MAGI3: variants seen among roughly 807,000 people sequenced by gnomAD.
The protein encoded by MAGI3 is membrane associated guanylate kinase, WW and PDZ domain containing 3, also known as membrane-associated guanylate kinase, WW and PDZ domain-containing protein 3.
In MAGI3, 43 loss-of-function variants were observed where a neutral mutation model predicts 121.8. That is an observed-to-expected ratio of 0.35 (90% confidence interval 0.28 to 0.46). MAGI3 has a LOEUF of 0.46. Ranked by LOEUF, MAGI3 falls within the 20% of genes least tolerant of loss-of-function variation. The pLI is 1.00. For missense variants in MAGI3, 1,547 were observed against 1,797.3 expected (o/e 0.86, Z 2.52); for synonymous variants, 553 against 639.3 (o/e 0.86, Z 2.04).
At chr1:113,602,028 C>T (rs1369079290) in intron 6 of MAGI3, among the ~76,000 whole-genome samples, 1 of 151,832 alleles carries the variant, frequency 6.6e-6, no homozygotes, top group African/African-American at 2.4e-5. Context: ...ACAATGAGAA[C>T]ACATGGACAC....
chr1:113,420,499 A>T (rs957837474), intron 1 of MAGI3, among the ~76,000 whole-genome samples: 1 of 152,210 alleles, frequency 6.6e-6, no homozygotes, highest in Non-Finnish European at 1.5e-5. Flanking sequence ...TGGGTTAAAT[A>T]TATTTTCACT....
At chr1:113,563,716 T>C (rs1325027746) in intron 2 of MAGI3, among the ~76,000 whole-genome samples, 1 of 152,228 alleles carries the variant, frequency 6.6e-6, no homozygotes, top group Non-Finnish European at 1.5e-5. Context: ...TATGGGTTTC[T>C]CGCAAGTCCA....
intron 1 of MAGI3, among the ~76,000 whole-genome samples, chr1:113,527,248 C>T (rs1570803090): frequency 6.7e-6 from 1 of 150,306 alleles, no homozygotes; most frequent in South Asian, 2.1e-4. Context: ...GTGGCGGGGG[C>T]GGGCAGGGAG....
chr1:113,533,874 C>A lies in MAGI3; in HGVS notation c.317-15641C>A, dbSNP rs931925708. Among the ~76,000 whole-genome samples the A allele has an allele frequency of 4.2e-5, 6 of 141,804 alleles. No individual in the cohort carries two copies. The East Asian group carries it at 1.2e-3, about 29-fold the overall frequency. The allele number at this position is 141,804 out of a possible 152,430, so 93.0% of individuals were successfully genotyped here. On this transcript the variant is annotated intron_variant, in intron 1 of 20. Coordinates refer to ENST00000307546, the MANE Select transcript of MAGI3 (RefSeq NM_001142782.2). ...ATGATGCTGTTGTTTTTACCTTTTTCTTGGGACACGGTGAATATTAATATT... is the reference window on the plus strand; with the variant it reads ...ATGATGCTGTTGTTTTTACCTTTTTATTGGGACACGGTGAATATTAATATT...
chr1:113,555,636 TC>T (rs748281058), intron 2 of MAGI3, among the ~76,000 whole-genome samples: 1 of 152,118 alleles, frequency 6.6e-6, no homozygotes. Context: ...TATCTAGCCA[TC>T]ATGAAATTAA....
At chr1:113,524,203 G>A (rs937847225) in intron 1 of MAGI3, among the ~76,000 whole-genome samples, 1 of 152,198 alleles carries the variant, frequency 6.6e-6, no homozygotes, top group African/African-American at 2.4e-5. Flanking sequence ...CGGGGATGGG[G>A]CACTCATGGA....
chr1:113,655,412 G>A (rs1178896099), intron 15 of MAGI3, among the ~76,000 whole-genome samples: 1 of 151,938 alleles, frequency 6.6e-6, no homozygotes, highest in African/African-American at 2.4e-5. Flanking sequence ...AAGCTATATA[G>A]AGGAATTCAG....
At chr1:113,523,267 A>T (rs560074384) in intron 1 of MAGI3, among the ~76,000 whole-genome samples, 1 of 152,298 alleles carries the variant, frequency 6.6e-6, no homozygotes, top group South Asian at 2.1e-4. Flanking sequence ...ATCAAAATGG[A>T]CTAATACAGT....
At chr1:113,474,297 G>T (rs1417279263) in intron 1 of MAGI3, among the ~76,000 whole-genome samples, 1 of 152,110 alleles carries the variant, frequency 6.6e-6, no homozygotes, top group African/African-American at 2.4e-5. Flanking sequence ...TTTGGCTTTT[G>T]TTGCCATTGC....
chr1:113,416,168 GTAATTAATGACACATATTAATTA>G (rs202178014), intron 1 of MAGI3, among the ~76,000 whole-genome samples: 434 of 90,490 alleles, frequency 4.8e-3, no homozygotes, highest in Admixed American at 6.1e-3. Flanking sequence ...ATATTATTAT[GTAATTAATGACACATATTAATTA>G]TGTAATTAAT....
At chr1:113,516,699 T>TAAG (rs1268629438) in intron 1 of MAGI3, among the ~76,000 whole-genome samples, 1 of 151,994 alleles carries the variant, frequency 6.6e-6, no homozygotes, top group African/African-American at 2.4e-5. Context: ...TCCCCACTCC[T>TAAG]TAGGTATGAG....
intron 16 of MAGI3, among the ~76,000 whole-genome samples, chr1:113,661,711 G>A (rs541823129): frequency 2.6e-5 from 4 of 152,112 alleles, no homozygotes; most frequent in East Asian, 3.9e-4. Flanking sequence ...CCTGTGTAAC[G>A]TCAGTTTGTG....
At chr1:113,470,701 C>T (rs1319221897) in intron 1 of MAGI3, among the ~76,000 whole-genome samples, 1 of 152,148 alleles carries the variant, frequency 6.6e-6, no homozygotes, top group Non-Finnish European at 1.5e-5. Context: ...ATTTCCTCAT[C>T]CCCTGATCTC....
At chr1:113,606,920 A>G (rs1176128112) in intron 6 of MAGI3, among the ~76,000 whole-genome samples, 1 of 152,206 alleles carries the variant, frequency 6.6e-6, no homozygotes, top group Admixed American at 6.5e-5. Context: ...GAACATACAT[A>G]TGCCCACCAC....
At chr1:113,668,123 T>A (rs1230671) in intron 16 of MAGI3, among the ~76,000 whole-genome samples, 114,480 of 152,048 alleles carry the variant, frequency 0.75, 43,873 homozygotes, top group African/African-American at 0.86. Context: ...AGTTAGAAAT[T>A]TTGGAAGAAT....
chr1:113,433,659 T>C (rs1419670917), intron 1 of MAGI3, among the ~76,000 whole-genome samples: 1 of 152,198 alleles, frequency 6.6e-6, no homozygotes, highest in African/African-American at 2.4e-5. Context: ...TAAAAAGTAA[T>C]AATAATTATG....
chr1:113,597,991 A>T (rs1269750983), intron 6 of MAGI3, among the ~76,000 whole-genome samples: 7 of 152,292 alleles, frequency 4.6e-5, no homozygotes, highest in Admixed American at 4.6e-4. Flanking sequence ...TGGTGGGCGG[A>T]TAATGAGGTC....
intron 1 of MAGI3, among the ~76,000 whole-genome samples, chr1:113,531,710 CG>C (rs1239644335): frequency 3.4e-4 from 1 of 2,948 alleles, no homozygotes; most frequent in Admixed American, 3.7e-3. Flanking sequence ...AGTGGTATTG[CG>C]GGGGGTGGGG....
At chr1:113,680,479 C>T (rs1167072685) in intron 19 of MAGI3, among the ~76,000 whole-genome samples, 3 of 152,072 alleles carry the variant, frequency 2.0e-5, no homozygotes, top group Non-Finnish European at 4.4e-5. Flanking sequence ...TACACAGGGC[C>T]GGGCGCGGTG....
Sources: gnomAD v4.1 joint callset for allele counts (sites outside exome capture counted in the v4.1 genomes callset) on GRCh38, gnomAD v4.1.1 for gene constraint, MANE v1.5 for transcripts, NCBI Gene and HGNC (gene_info 2026-07-23, HGNC 2026-07-21) for gene names.